The following MRPS9 variants were observed in gnomAD, a reference collection of about 807,000 sequenced individuals.
MRPS9 encodes the protein mitochondrial ribosomal protein S9.
A neutral mutation model predicts 59.9 loss-of-function variants in MRPS9; 45 were observed. The observed-to-expected ratio is 0.75, with a 90% CI of 0.59 to 0.96. The LOEUF is 0.96. Among genes scored for constraint, MRPS9 ranks in the 40% least tolerant of loss-of-function variants. MRPS9 has a pLI of 0.00. For synonymous variants in MRPS9, 171 were observed against 166.8 expected, an observed-to-expected ratio of 1.03 and a Z score of -0.19; for missense variants, 473 against 481.1, an observed-to-expected ratio of 0.98 and a Z score of 0.16.
At chr2:105,066,229 CTT>C (rs1332183917) in intron 2 of MRPS9, among the ~76,000 whole-genome samples, 1 of 152,048 alleles carries the variant, frequency 6.6e-6, no homozygotes, top group African/African-American at 2.4e-5. Flanking sequence ...GACATGGTAT[CTT>C]TTGCTCTGTG....
chr2:105,097,265 C>T lies in MRPS9; in HGVS notation c.1040C>T (p.Ala347Val), dbSNP rs573319916. ...RSAQAGAIRLAMAKALCSFVT... is the reference protein window; with the variant it reads ...RSAQAGAIRLVMAKALCSFVT... ...GCGCAGGCTGGAGCAATACGACTGG[C>T]AATGGCAAAAGCCTTGTGCAGCTTT... The change falls in exon 10 of 11, where the codon GCA (alanine) becomes GTA (valine). Residue 347 changes from alanine (A) to valine (V), a missense_variant. By Grantham distance (64) the Ala-to-Val change is moderately conservative (BLOSUM62 0). Coordinates refer to ENST00000258455, the MANE Select transcript of MRPS9 (RefSeq NM_182640.3). 1 of 1,612,390 alleles carries T rather than the reference C, an allele frequency of 6.2e-7. No individual in the cohort carries two copies. Among genetic ancestry groups the T allele is most frequent in the African/African-American group, 1.3e-5 (1 of 74,876 alleles).
At position 105,089,016 on chromosome 2, in the gene MRPS9, A is replaced by G. The variant is rs1264839515; in HGVS notation, c.522A>G (p.Lys174=). The G allele has an allele frequency of 6.2e-7, 1 of 1,611,792 alleles. No individual in the cohort carries two copies. Residue 174 remains lysine, a synonymous_variant, in exon 6 of 11, where the codon AAA becomes AAG. Transcript: ENST00000258455. ...DVYGMLLNLE[K]HQSHLQAKSL... ...ATGGAATGTTACTCAATTTAGAAAA[A>G]CATCAAAGTCACTTGCAAGCCAAAA...
At chr2:105,095,884 C>A (rs1195439109) in intron 9 of MRPS9, among the ~76,000 whole-genome samples, 1 of 151,470 alleles carries the variant, frequency 6.6e-6, no homozygotes, top group Non-Finnish European at 1.5e-5. Flanking sequence ...TGGACCCAGA[C>A]TGGACTCAAG....
intron 5 of MRPS9, among the ~76,000 whole-genome samples, chr2:105,081,453 T>A (rs980559944): frequency 6.6e-6 from 1 of 152,178 alleles, no homozygotes; most frequent in African/African-American, 2.4e-5. Context: ...CATCCCAAGT[T>A]TCACGGAAAA....
chr2:105,075,115 C>T (rs897357619), intron 4 of MRPS9, among the ~76,000 whole-genome samples: 2 of 152,114 alleles, frequency 1.3e-5, no homozygotes, highest in Non-Finnish European at 2.9e-5. Context: ...CTAGATCCCT[C>T]GCATGTGCTG....
At chr2:105,074,294 G>T (rs1680167903) in intron 4 of MRPS9, among the ~76,000 whole-genome samples, 1 of 151,990 alleles carries the variant, frequency 6.6e-6, no homozygotes, top group Non-Finnish European at 1.5e-5. Context: ...AAAAGAAGGG[G>T]TATGATAAAC....
intron 1 of MRPS9, among the ~76,000 whole-genome samples, chr2:105,041,860 A>G (rs1679507925): frequency 6.6e-6 from 1 of 152,298 alleles, no homozygotes; most frequent in African/African-American, 2.4e-5. Context: ...TGTGTTCCTC[A>G]TTGCTGTAAT....
At chr2:105,049,035 T>C (rs1438869254) in intron 1 of MRPS9, 136 bp from the exon 2 acceptor site, 1 of 619,418 alleles carries the variant, frequency 1.6e-6, no homozygotes, top group Admixed American at 3.5e-5. Flanking sequence ...TTAAACTTGC[T>C]TTTTGGACTC....
intron 4 of MRPS9, among the ~76,000 whole-genome samples, chr2:105,078,267 A>C (rs1367985869): frequency 6.6e-6 from 1 of 151,562 alleles, no homozygotes; most frequent in Non-Finnish European, 1.5e-5. Context: ...TATAAAATAC[A>C]TGATGAGGCA....
chr2:105,043,503 A>G (rs545226437), intron 1 of MRPS9, among the ~76,000 whole-genome samples: 19 of 152,320 alleles, frequency 1.2e-4, no homozygotes, highest in African/African-American at 4.6e-4. Flanking sequence ...GACAGTTGGA[A>G]TACCGTTTTG....
At chr2:105,075,196 C>T (rs529357656) in intron 4 of MRPS9, among the ~76,000 whole-genome samples, 3 of 152,240 alleles carry the variant, frequency 2.0e-5, no homozygotes, top group Non-Finnish European at 2.9e-5. Flanking sequence ...GGCACTCAGG[C>T]GGTAATGTGA....
intron 4 of MRPS9, among the ~76,000 whole-genome samples, chr2:105,078,184 G>A (rs886680120): frequency 2.0e-5 from 3 of 149,534 alleles, no homozygotes; most frequent in Non-Finnish European, 3.0e-5. Flanking sequence ...TGACAGCAGG[G>A]AACACTTCAC....
intron 2 of MRPS9, among the ~76,000 whole-genome samples, chr2:105,057,643 A>T (rs1435530786): frequency 1.3e-5 from 2 of 152,234 alleles, no homozygotes; most frequent in Non-Finnish European, 2.9e-5. Context: ...TCCTTGTGCT[A>T]GAGCAGACGT....
intron 7 of MRPS9, among the ~76,000 whole-genome samples, chr2:105,090,318 A>G (rs780171038): frequency 3.9e-5 from 6 of 152,188 alleles, no homozygotes; most frequent in Non-Finnish European, 8.8e-5. Flanking sequence ...ACGTAAGGCC[A>G]GTAGCTAATT....
intron 4 of MRPS9, among the ~76,000 whole-genome samples, chr2:105,078,315 A>AGTGTGTGTGTGTGTGTGTGTGT (rs71250682): frequency 1.4e-5 from 2 of 147,466 alleles, no homozygotes; most frequent in South Asian, 2.2e-4. Flanking sequence ...GGTGAAGTCA[A>AGTGTGTGTGTGTGTGTGTGTGT]GTGTGTGTGT....
chr2:105,069,035 G>A (rs1274425164), intron 2 of MRPS9, among the ~76,000 whole-genome samples: 1 of 152,136 alleles, frequency 6.6e-6, no homozygotes, highest in African/African-American at 2.4e-5. Flanking sequence ...TATAGCACTT[G>A]GCATTCCCAC....
intron 2 of MRPS9, among the ~76,000 whole-genome samples, chr2:105,064,124 G>A (rs1402236667): frequency 1.3e-5 from 2 of 152,196 alleles, no homozygotes; most frequent in Admixed American, 6.5e-5. Flanking sequence ...TGCTAGAAAG[G>A]AAGAGAATCA....
At chr2:105,062,142 A>T (rs1679918355) in intron 2 of MRPS9, among the ~76,000 whole-genome samples, 2 of 152,098 alleles carry the variant, frequency 1.3e-5, no homozygotes, top group South Asian at 4.2e-4. Context: ...TGTTACACAC[A>T]CACACACACT....
At chr2:105,058,668 T>C (rs536520813) in intron 2 of MRPS9, among the ~76,000 whole-genome samples, 40 of 152,120 alleles carry the variant, frequency 2.6e-4, no homozygotes, top group African/African-American at 8.9e-4. Flanking sequence ...TGCTGTAGTT[T>C]AATGAGTTTC....
Sources: allele counts gnomAD v4.1 joint callset (sites outside exome capture counted in the v4.1 genomes callset), GRCh38; gene constraint gnomAD v4.1.1; transcripts MANE v1.5; gene names NCBI Gene and HGNC (gene_info 2026-07-23, HGNC 2026-07-21).